ABL1: variants seen among roughly 807,000 people sequenced by gnomAD.
ABL1 encodes ABL proto-oncogene 1, non-receptor tyrosine kinase, also known as tyrosine-protein kinase ABL1.
ABL1 carries 11 observed loss-of-function variants against 94.7 expected under a neutral mutation model. That is an observed-to-expected ratio of 0.12 (90% CI 0.07 to 0.19). The LOEUF is 0.19. ABL1 is among the 10% of genes least tolerant of loss of function. The probability of loss-of-function intolerance (pLI) is 1.00; values close to 1 mark genes in which losing one functional copy is unlikely to be tolerated. For missense variants in ABL1, 1,082 were observed against 1,489.4 expected (o/e 0.73, Z 4.50); for synonymous variants, 656 against 622.4 (o/e 1.05, Z -0.80).
intron 1 of ABL1, among the ~76,000 whole-genome samples, chr9:130,839,053 G>A (rs1019366323): frequency 6.6e-6 from 1 of 151,972 alleles, no homozygotes; most frequent in Non-Finnish European, 1.5e-5. Context: ...GGGGCTGCAG[G>A]CATATGCTAC....
Position 130,835,566 on chromosome 9 carries a change from C to T in ABL1, c.79+41C>T. ...ACGGGTTGGGCTGAGTAGCCGCGCG[C>T]CCTCCCGCTGCTGCTGGGCCCTTCC... On this transcript the variant is annotated intron_variant, in intron 1 of 10. Transcript: ENST00000318560. The surrounding 1 kb of genome is among the most constrained non-coding windows in gnomAD (Gnocchi z 4.6). 1.3e-6 allele frequency: 2 copies of T among 1,515,848 alleles called. No individual in the cohort carries two copies. The highest frequency in any genetic ancestry group is 8.9e-7 in the Non-Finnish European group (1 of 1,117,624). 93.9% of individuals were successfully genotyped at this position (1,515,848 alleles called of 1,614,324 possible).
intron 1 of ABL1, among the ~76,000 whole-genome samples, chr9:130,733,268 G>A (rs1382873717): frequency 1.3e-5 from 2 of 152,182 alleles, no homozygotes. Context: ...CCAGTATCAA[G>A]AGTTTAGTCA....
At chr9:130,861,436 G>T (rs984466614) in intron 3 of ABL1, among the ~76,000 whole-genome samples, 25 of 152,168 alleles carry the variant, frequency 1.6e-4, no homozygotes, top group Non-Finnish European at 1.9e-4. Context: ...ATATTTCTTT[G>T]CTACCTTCTT....
In ABL1 at chr9:130,884,775, G is replaced by T; in HGVS notation, c.2485G>T (p.Gly829Cys). The change falls in exon 11 of 11, where the codon GGC (glycine) becomes TGC (cysteine). Residue 829 changes from glycine to cysteine, a missense_variant. This residue lies in a region of ABL1 where 780 missense variants were observed against 835.8 expected (regional missense o/e 0.93). Transcript: ENST00000318560. The surrounding 1 kb of genome is among the most constrained non-coding windows in gnomAD (Gnocchi z 5.6). ...GCAGGTCACCGTGGCCCCTGCCTCG[G>T]GCCTCCCCCACAAGGAAGAAGCTGG... is the stretch of plus-strand genomic sequence containing the variant. ...RRQVTVAPAS[G>C]LPHKEEAGKG... 2 of 1,611,240 alleles carry T rather than the reference G, an allele frequency of 1.2e-6. No homozygotes were observed. The highest frequency in any genetic ancestry group is 1.7e-6 in the Non-Finnish European group (2 of 1,179,042).
chr9:130,742,291 A>G (rs1428649048), intron 1 of ABL1, among the ~76,000 whole-genome samples: 1 of 152,220 alleles, frequency 6.6e-6, no homozygotes, highest in Admixed American at 6.5e-5. Flanking sequence ...TGATTAATCC[A>G]GGTCAATGCC....
chr9:130,774,898 G>A (rs932634047), intron 1 of ABL1, among the ~76,000 whole-genome samples: 1 of 152,000 alleles, frequency 6.6e-6, no homozygotes, highest in African/African-American at 2.4e-5. Context: ...AGGAGGAAGT[G>A]AGGAAGGAAA....
chr9:130,855,246 A>C (rs1830955057), intron 3 of ABL1, 150 bp downstream of exon 3: 1 of 880,138 alleles, frequency 1.1e-6, no homozygotes, highest in African/African-American at 1.7e-5. Context: ...AGCCTTATGA[A>C]GACCCTTTAT....
chr9:130,873,020 G>A lies in ABL1; in HGVS notation c.1068G>A (p.Lys356=). The A allele has an allele frequency of 6.2e-7, 1 of 1,613,788 alleles. No individual in the cohort carries two copies. The change falls in exon 6 of 11, where the codon AAG becomes AAA. Residue 356 remains lysine (K), a synonymous_variant. Transcript: ENST00000318560. ...QISSAMEYLE[K]KNFIHRDLAA... ...CGTCAGCCATGGAGTACCTGGAGAA[G>A]AAAAACTTCATCCACAGGTAGGGGC... is the stretch of plus-strand genomic sequence containing the variant.
chr9:130,824,106 G>GT (rs1173031529), intron 1 of ABL1, among the ~76,000 whole-genome samples: 1 of 152,156 alleles, frequency 6.6e-6, no homozygotes, highest in Non-Finnish European at 1.5e-5. Context: ...TCCTAAAAGT[G>GT]TATCTTTTGA....
intron 1 of ABL1, among the ~76,000 whole-genome samples, chr9:130,809,027 C>T (rs2132848143): frequency 6.6e-6 from 1 of 152,334 alleles, no homozygotes; most frequent in Middle Eastern, 3.4e-3. Context: ...GGAACATCAG[C>T]AGGCCCCAGC....
chr9:130,855,126 G>A lies in ABL1; in HGVS notation c.549+30G>A, dbSNP rs748750300. 5 of 1,584,736 alleles carry A rather than the reference G, an allele frequency of 3.2e-6. No homozygotes were observed. The Admixed American group carries it at 5.3e-5, about 17-fold the overall frequency. On this transcript the variant is annotated intron_variant, in intron 3 of 10. Coordinates refer to ENST00000318560, the MANE Select transcript of ABL1 (RefSeq NM_005157.6). ...GGGACCCTTGGCAGGGGGCGCTGAT[G>A]GGCCCAGGGCAGGGGAACCAGAGGT...
At chr9:130,816,938 C>T (rs1830295030) in intron 1 of ABL1, among the ~76,000 whole-genome samples, 1 of 152,088 alleles carries the variant, frequency 6.6e-6, no homozygotes, top group South Asian at 2.1e-4. Flanking sequence ...TCCTGAACCT[C>T]AGGTGATTCC....
intron 1 of ABL1, among the ~76,000 whole-genome samples, chr9:130,794,760 T>C (rs1829953119): frequency 6.6e-6 from 1 of 152,196 alleles, no homozygotes; most frequent in African/African-American, 2.4e-5. Flanking sequence ...AGCTCTTTCT[T>C]ATGCTTTTGT....
chr9:130,781,647 A>C (rs1255824372), intron 1 of ABL1, among the ~76,000 whole-genome samples: 1 of 152,212 alleles, frequency 6.6e-6, no homozygotes, highest in African/African-American at 2.4e-5. Flanking sequence ...TTCCTATTTG[A>C]AAATATGTCT....
intron 1 of ABL1, among the ~76,000 whole-genome samples, chr9:130,721,351 C>G (rs1359968768): frequency 6.6e-6 from 1 of 152,146 alleles, no homozygotes; most frequent in East Asian, 1.9e-4. Context: ...GCACTCCAGC[C>G]TGGGTGACAG....
At chr9:130,731,320 C>T (rs1426237326) in intron 1 of ABL1, among the ~76,000 whole-genome samples, 1 of 152,070 alleles carries the variant, frequency 6.6e-6, no homozygotes, top group Non-Finnish European at 1.5e-5. Flanking sequence ...TTTTCACTCT[C>T]TTAATGGTGT....
At chr9:130,823,503 C>T (rs558811176) in intron 1 of ABL1, among the ~76,000 whole-genome samples, 2 of 152,224 alleles carry the variant, frequency 1.3e-5, no homozygotes, top group South Asian at 2.1e-4. Flanking sequence ...CTGACAGTCG[C>T]GGTCCTGGAG....
At chr9:130,792,762 G>A (rs939551315) in intron 1 of ABL1, among the ~76,000 whole-genome samples, 1 of 152,114 alleles carries the variant, frequency 6.6e-6, no homozygotes, top group African/African-American at 2.4e-5. Context: ...GTAGAGCTAA[G>A]ATCCTCAGAG....
chr9:130,795,637 G>C (rs1225735619), intron 1 of ABL1, among the ~76,000 whole-genome samples: 1 of 152,120 alleles, frequency 6.6e-6, no homozygotes, highest in Middle Eastern at 3.2e-3. Flanking sequence ...GGACAAAACA[G>C]ATAAAAGAGA....
Sources: allele counts gnomAD v4.1 joint callset (sites outside exome capture counted in the v4.1 genomes callset), GRCh38; gene constraint gnomAD v4.1.1; regional missense constraint gnomAD v4.1.1; non-coding constraint Gnocchi (gnomAD v3.1); transcripts MANE v1.5; gene names NCBI Gene and HGNC (gene_info 2026-07-23, HGNC 2026-07-21).